The following METTL24 variants were observed in gnomAD, a reference collection of about 807,000 sequenced individuals.
METTL24 encodes methyltransferase like 24.
In METTL24, 29 loss-of-function variants were observed where a neutral mutation model predicts 32.7. The ratio of observed to expected loss-of-function variants is 0.89; its 90% CI spans 0.66 to 1.21. The LOEUF (loss-of-function observed/expected upper bound fraction) is 1.21, where lower values mean the gene tolerates loss of function less well. Ranked by LOEUF, METTL24 falls within the 50% of genes most tolerant of loss-of-function variation. METTL24 has a pLI of 0.00. For synonymous variants in METTL24, 163 were observed against 179.5 expected, an observed-to-expected ratio of 0.91 and a Z score of 0.73; for missense variants, 439 against 468.1, an observed-to-expected ratio of 0.94 and a Z score of 0.57.
chr6:110,300,514 G>A (rs1451275281), intron 3 of METTL24, among the ~76,000 whole-genome samples: 2 of 150,102 alleles, frequency 1.3e-5, no homozygotes, highest in African/African-American at 5.0e-5. Flanking sequence ...TCTGCCGCCA[G>A]GGTTCAAGCA....
At chr6:110,354,695 G>T (rs983748738) in intron 1 of METTL24, among the ~76,000 whole-genome samples, 8 of 152,194 alleles carry the variant, frequency 5.3e-5, no homozygotes, top group African/African-American at 1.7e-4. Context: ...GAGATATGGG[G>T]TTATTGAGCT....
At chr6:110,287,633 C>T (rs1771248184) in intron 4 of METTL24, among the ~76,000 whole-genome samples, 1 of 152,200 alleles carries the variant, frequency 6.6e-6, no homozygotes, top group African/African-American at 2.4e-5. Flanking sequence ...GAGCTAAGGT[C>T]TCTGGACGTT....
chr6:110,294,782 T>C (rs539165361), intron 4 of METTL24, among the ~76,000 whole-genome samples: 2 of 152,032 alleles, frequency 1.3e-5, no homozygotes, highest in South Asian at 4.1e-4. Flanking sequence ...TAAAACAAAA[T>C]TTAAGGCAAA....
chr6:110,319,454 T>C (rs565761290), intron 2 of METTL24, among the ~76,000 whole-genome samples: 63 of 148,958 alleles, frequency 4.2e-4, no homozygotes, highest in African/African-American at 1.6e-3. Context: ...GATAGATAGA[T>C]AGATAGATGA....
At chr6:110,343,527 C>T (rs1772405510) in intron 1 of METTL24, among the ~76,000 whole-genome samples, 1 of 152,154 alleles carries the variant, frequency 6.6e-6, no homozygotes, top group Non-Finnish European at 1.5e-5. Context: ...ATAATTCATG[C>T]CTAGGACAGG....
chr6:110,297,165 C>G (rs1309045555), intron 4 of METTL24, among the ~76,000 whole-genome samples: 1 of 152,138 alleles, frequency 6.6e-6, no homozygotes, highest in Non-Finnish European at 1.5e-5. Context: ...GAAACATAAG[C>G]ATTTCTCCTT....
intron 1 of METTL24, among the ~76,000 whole-genome samples, chr6:110,326,405 A>C (rs1315088428): frequency 6.6e-6 from 1 of 152,196 alleles, no homozygotes. Flanking sequence ...CTTCCATGTC[A>C]TGTAAAACTT....
chr6:110,262,074 A>G (rs1488530686), intron 4 of METTL24, among the ~76,000 whole-genome samples: 2 of 152,210 alleles, frequency 1.3e-5, no homozygotes, highest in Non-Finnish European at 2.9e-5. Flanking sequence ...AGCAAGAGCA[A>G]CCACATTCAA....
At chr6:110,299,647 T>C (rs982417233) in intron 3 of METTL24, among the ~76,000 whole-genome samples, 4 of 152,170 alleles carry the variant, frequency 2.6e-5, no homozygotes, top group South Asian at 2.1e-4. Context: ...TATTTTTAAA[T>C]AGTGCAAATA....
At chr6:110,307,732 G>A (rs1472725820) in intron 3 of METTL24, among the ~76,000 whole-genome samples, 1 of 152,152 alleles carries the variant, frequency 6.6e-6, no homozygotes, top group Non-Finnish European at 1.5e-5. Context: ...AAAAAAGAAA[G>A]GGAGAATAAA....
intron 3 of METTL24, among the ~76,000 whole-genome samples, chr6:110,314,243 A>T (rs558592654): frequency 6.6e-6 from 1 of 152,294 alleles, no homozygotes; most frequent in Admixed American, 6.5e-5. Flanking sequence ...ACTGTTTGTA[A>T]AAAGACTTCA....
At chr6:110,280,544 T>C (rs968621100) in intron 4 of METTL24, among the ~76,000 whole-genome samples, 2 of 152,164 alleles carry the variant, frequency 1.3e-5, no homozygotes, top group Non-Finnish European at 2.9e-5. Flanking sequence ...TCAAGATATT[T>C]TAAGTTAAAA....
intron 1 of METTL24, among the ~76,000 whole-genome samples, chr6:110,336,364 AACACCC>A: frequency 6.6e-6 from 1 of 152,230 alleles, no homozygotes; most frequent in Non-Finnish European, 1.5e-5. Flanking sequence ...TTTGAAATCA[AACACCC>A]ACATGAATGT....
chr6:110,311,831 T>C (rs1466541127), intron 3 of METTL24, among the ~76,000 whole-genome samples: 1 of 152,168 alleles, frequency 6.6e-6, no homozygotes, highest in Non-Finnish European at 1.5e-5. Context: ...TAAATGAAAA[T>C]AAGAAACTTC....
chr6:110,315,606 C>T (rs1771805601), intron 2 of METTL24, 125 bp from the exon 3 acceptor site: 1 of 946,220 alleles, frequency 1.1e-6, no homozygotes, highest in Non-Finnish European at 1.6e-6. Context: ...CCACTGCTAA[C>T]AACTCCCCTC....
Position 110,257,622 on chromosome 6 carries a change from G to A in METTL24, c.787-11362C>T, listed in dbSNP as rs1159337374. ...TCTCACTCAGTAGATCTGAAGTGGAGCCTAAGTACTTGTGTTTCTACTAAG... is the reference window on the plus strand; with the variant it reads ...TCTCACTCAGTAGATCTGAAGTGGAACCTAAGTACTTGTGTTTCTACTAAG... On this transcript the variant is annotated intron_variant, in intron 4 of 4. Coordinates refer to ENST00000338882, the MANE Select transcript of METTL24 (RefSeq NM_001123364.3). 3.9e-5 allele frequency among the ~76,000 whole-genome samples: 6 copies of A among 152,090 alleles called. No individual in the cohort carries two copies. In the South Asian group the frequency reaches 8.3e-4, roughly 21 times the overall value.
At chr6:110,326,844 G>A (rs891886970) in intron 1 of METTL24, among the ~76,000 whole-genome samples, 2 of 152,236 alleles carry the variant, frequency 1.3e-5, no homozygotes, top group Non-Finnish European at 1.5e-5. Context: ...GGAAAGCAGG[G>A]AAGACTGAGG....
At chr6:110,258,382 G>A (rs993174821) in intron 4 of METTL24, among the ~76,000 whole-genome samples, 3 of 152,208 alleles carry the variant, frequency 2.0e-5, no homozygotes, top group African/African-American at 7.2e-5. Flanking sequence ...ATTTACATCT[G>A]ACAAGAGGCA....
chr6:110,264,120 T>G (rs1249748425), intron 4 of METTL24, among the ~76,000 whole-genome samples: 4 of 151,082 alleles, frequency 2.6e-5, no homozygotes, highest in Non-Finnish European at 5.9e-5. Flanking sequence ...AATTGACAAA[T>G]GGGATCTAAT....
Sources: allele counts gnomAD v4.1 joint callset (sites outside exome capture counted in the v4.1 genomes callset), GRCh38; gene constraint gnomAD v4.1.1; transcripts MANE v1.5; gene names NCBI Gene and HGNC (gene_info 2026-07-23, HGNC 2026-07-21).